Variants in DPYD observed in about 807,000 individuals in gnomAD.
The protein encoded by DPYD is dihydropyrimidine dehydrogenase [NADP(+)].
Under a neutral mutation model 116.2 loss-of-function variants are expected in DPYD, and 109 were observed. The ratio of observed to expected loss-of-function variants is 0.94; its 90% CI spans 0.80 to 1.10. DPYD has a LOEUF of 1.10. DPYD is among the 50% of genes least tolerant of loss of function. DPYD has a pLI of 0.00. For missense variants in DPYD, 1,302 were observed against 1,254.5 expected (o/e 1.04, Z -0.57); for synonymous variants, 440 against 432.0 (o/e 1.02, Z -0.23).
chr1:97,350,754 C>T (rs905960532), intron 16 of DPYD, among the ~76,000 whole-genome samples: 3 of 152,170 alleles, frequency 2.0e-5, no homozygotes, highest in Admixed American at 1.3e-4. Context: ...AAAATGTAAT[C>T]ATTTACCCAA....
intron 18 of DPYD, among the ~76,000 whole-genome samples, chr1:97,280,419 A>C (rs1442785310): frequency 1.3e-5 from 2 of 152,204 alleles, no homozygotes; most frequent in Admixed American, 1.3e-4. Flanking sequence ...AAATGATATC[A>C]ATATGCTGAA....
chr1:97,596,582 G>A (rs1235779777), intron 8 of DPYD, among the ~76,000 whole-genome samples: 1 of 152,108 alleles, frequency 6.6e-6, no homozygotes, highest in African/African-American at 2.4e-5. Flanking sequence ...TCTACCAATG[G>A]GTCATTCTAG....
At chr1:97,352,233 A>T (rs1207794755) in intron 16 of DPYD, among the ~76,000 whole-genome samples, 2 of 152,234 alleles carry the variant, frequency 1.3e-5, no homozygotes, top group Admixed American at 6.5e-5. Context: ...CCACACAAAG[A>T]GGAAAGAAAA....
intron 13 of DPYD, among the ~76,000 whole-genome samples, chr1:97,461,858 C>G (rs1020306022): frequency 6.6e-6 from 1 of 152,170 alleles, no homozygotes; most frequent in South Asian, 2.1e-4. Flanking sequence ...ATCTTTATCA[C>G]AAGGTTAAAA....
At chr1:97,167,085 G>A (rs1348432055) in intron 20 of DPYD, among the ~76,000 whole-genome samples, 1 of 152,120 alleles carries the variant, frequency 6.6e-6, no homozygotes, top group Non-Finnish European at 1.5e-5. Flanking sequence ...CTTTAGAAGA[G>A]ATTCTTCATG....
intron 3 of DPYD, among the ~76,000 whole-genome samples, chr1:97,814,943 A>C (rs1209549870): frequency 1.5e-4 from 23 of 150,374 alleles, no homozygotes; most frequent in African/African-American, 5.4e-4. Flanking sequence ...GAAAGAAAGA[A>C]AGAAAGAAAG....
At chr1:97,878,722 T>C (rs923380618) in intron 2 of DPYD, among the ~76,000 whole-genome samples, 1 of 151,998 alleles carries the variant, frequency 6.6e-6, no homozygotes, top group Non-Finnish European at 1.5e-5. Flanking sequence ...GCTAGACTGA[T>C]TCACCTAAAG....
intron 18 of DPYD, among the ~76,000 whole-genome samples, chr1:97,257,452 T>TATATAGAGAGAGAGAGAGAGAG (rs375490078): frequency 1.5e-4 from 19 of 126,470 alleles, no homozygotes; most frequent in Admixed American, 3.2e-4. Context: ...TATATATATA[T>TATATAGAGAGAGAGAGAGAGAG]AGAGAGAGAG....
intron 2 of DPYD, among the ~76,000 whole-genome samples, chr1:97,840,320 T>C (rs924483122): frequency 1.3e-5 from 2 of 152,120 alleles, no homozygotes; most frequent in African/African-American, 4.8e-5. Context: ...GCTGTAATAT[T>C]TTGGTTGAAT....
intron 16 of DPYD, among the ~76,000 whole-genome samples, chr1:97,330,763 C>A (rs919738259): frequency 1.8e-4 from 27 of 152,232 alleles, no homozygotes; most frequent in African/African-American, 6.3e-4. Flanking sequence ...TATCCATTTG[C>A]TTTTATAGTT....
intron 16 of DPYD, among the ~76,000 whole-genome samples, chr1:97,340,288 A>G (rs1272282309): frequency 6.6e-6 from 1 of 152,160 alleles, no homozygotes; most frequent in Non-Finnish European, 1.5e-5. Flanking sequence ...AATAAAGATA[A>G]TTAGTGATAT....
intron 19 of DPYD, among the ~76,000 whole-genome samples, chr1:97,213,234 A>T (rs1466193157): frequency 6.6e-6 from 1 of 152,160 alleles, no homozygotes; most frequent in African/African-American, 2.4e-5. Flanking sequence ...GGACACAAAC[A>T]TTCAATCTAT....
At chr1:97,323,397 CATATGTGTATATGTACACGTATATAT>C (rs1558029978) in intron 16 of DPYD, among the ~76,000 whole-genome samples, 1 of 43,982 alleles carries the variant, frequency 2.3e-5, no homozygotes, top group Non-Finnish European at 7.3e-5. Flanking sequence ...CGTATGTATA[CATATGTGTATATGTACACGTATATAT>C]ACATATGTGT....
chr1:97,136,860 C>T (rs1343462115), intron 20 of DPYD, among the ~76,000 whole-genome samples: 1 of 152,030 alleles, frequency 6.6e-6, no homozygotes, highest in East Asian at 1.9e-4. Context: ...CAATGCCATC[C>T]TTGACACTGG....
At chr1:97,829,287 T>C (rs1669405434) in intron 2 of DPYD, among the ~76,000 whole-genome samples, 1 of 152,024 alleles carries the variant, frequency 6.6e-6, no homozygotes, top group Admixed American at 6.6e-5. Flanking sequence ...ATTTGAAATA[T>C]ATTGGTATAT....
chr1:97,134,864 G>A (rs1048577429), intron 20 of DPYD, among the ~76,000 whole-genome samples: 1 of 152,048 alleles, frequency 6.6e-6, no homozygotes, highest in Admixed American at 6.6e-5. Flanking sequence ...GTGAAACCAA[G>A]GTATGGATTT....
rs146562215 is a variant in DPYD at position 97,760,128 on chromosome 1, G to C, written c.234-19649C>G. On this transcript the variant is annotated intron_variant, in intron 3 of 22. Transcript: ENST00000370192. ...TATAGAAGTACGTAAAGCACTCAGG[G>C]AAAATCTCTGTTCCTCGGAAGAGTT... Among the ~76,000 whole-genome samples the C allele has an allele frequency of 8.5e-3, 1,298 of 152,232 alleles. 18 individuals carry two copies. The highest frequency in any genetic ancestry group is 0.029 in the African/African-American group (1,194 of 41,546).
intron 19 of DPYD, among the ~76,000 whole-genome samples, chr1:97,207,264 C>T (rs764219966): frequency 6.6e-6 from 1 of 152,154 alleles, no homozygotes; most frequent in Non-Finnish European, 1.5e-5. Context: ...CATCAATCCA[C>T]AAGAGAATAC....
chr1:97,543,892 C>T (rs961675479), intron 12 of DPYD, among the ~76,000 whole-genome samples: 1 of 152,140 alleles, frequency 6.6e-6, no homozygotes, highest in African/African-American at 2.4e-5. Flanking sequence ...GTTCATGTCA[C>T]AAACTCCCTG....
Sources: gnomAD v4.1 joint callset for allele counts (sites outside exome capture counted in the v4.1 genomes callset) on GRCh38, gnomAD v4.1.1 for gene constraint, MANE v1.5 for transcripts, NCBI Gene and HGNC (gene_info 2026-07-23, HGNC 2026-07-21) for gene names.